The following LUZP2 variants were observed in gnomAD, a reference collection of about 807,000 sequenced individuals.
LUZP2 encodes the protein leucine zipper protein 2.
Under a neutral mutation model 51.6 loss-of-function variants are expected in LUZP2, and 52 were observed. The observed-to-expected ratio is 1.01, with a 90% confidence interval of 0.81 to 1.27. The LOEUF (loss-of-function observed/expected upper bound fraction) is 1.27. LUZP2 is among the 50% of genes most tolerant of loss of function. The pLI is 0.00. For missense variants in LUZP2, 436 were observed against 395.4 expected (o/e 1.10, Z -0.87); for synonymous variants, 154 against 137.3 (o/e 1.12, Z -0.85).
Position 24,857,272 on chromosome 11 carries a change from G to GAT in LUZP2, c.397-48703_397-48702dup, listed in dbSNP as rs59798750. 1.7e-3 allele frequency among the ~76,000 whole-genome samples: 231 copies of GAT among 136,082 alleles called. 1 individual carries two copies. The highest frequency in any genetic ancestry group is 4.3e-3 in the African/African-American group (157 of 36,436). The allele number at this position is 136,082 out of a possible 152,430, so 89.3% of individuals were successfully genotyped here. On this transcript the variant is annotated intron_variant, in intron 5 of 11. Transcript: ENST00000336930. ...CCCACAAGAATATAAGATTCATGGG[G>GAT]ATATATATATATATATACATATATA...
intron 1 of LUZP2, among the ~76,000 whole-genome samples, chr11:24,568,473 T>C: frequency 6.6e-6 from 1 of 151,950 alleles, no homozygotes; most frequent in South Asian, 2.1e-4. Flanking sequence ...AAAATTAATC[T>C]ATTAGGCAGA....
chr11:25,030,271 T>C (rs1857607110), intron 9 of LUZP2, among the ~76,000 whole-genome samples: 1 of 152,166 alleles, frequency 6.6e-6, no homozygotes, highest in South Asian at 2.1e-4. Flanking sequence ...TTACTGGTAG[T>C]TGTAGTTCAA....
intron 9 of LUZP2, among the ~76,000 whole-genome samples, chr11:24,991,394 G>GTATATATATATATATATA (rs1327713711): frequency 4.5e-4 from 49 of 109,348 alleles, no homozygotes; most frequent in Non-Finnish European, 2.6e-4. Context: ...GTGTGTGTGT[G>GTATATATATATATATATA]TGTATATATA....
At chr11:24,996,047 C>G (rs941610555) in intron 9 of LUZP2, among the ~76,000 whole-genome samples, 1 of 150,094 alleles carries the variant, frequency 6.7e-6, no homozygotes, top group African/African-American at 2.4e-5. Flanking sequence ...TTTATTTTCT[C>G]TTTGTTATTG....
chr11:24,896,993 G>T lies in LUZP2; in HGVS notation c.397-8998G>T, dbSNP rs377561085. On this transcript the variant is annotated intron_variant, in intron 5 of 11. Coordinates refer to ENST00000336930, the MANE Select transcript of LUZP2 (RefSeq NM_001009909.4). ...GTAAATGCACCAATCAATACTCTGT[G>T]TCTAGCTCAAGGTGTGTAAACGCAC... 5.9e-5 allele frequency among the ~76,000 whole-genome samples: 9 copies of T among 151,988 alleles called. No homozygotes were observed. In the East Asian group the frequency reaches 7.7e-4, roughly 13 times the overall value.
At position 25,080,308 on chromosome 11, in the gene LUZP2, A is replaced by G. The variant is rs1207943117; in HGVS notation, c.*1650A>G. 1.3e-5 allele frequency: 2 copies of G among 152,282 alleles called. No homozygotes were observed. The highest frequency in any genetic ancestry group is 6.5e-5 in the Admixed American group (1 of 15,294). 9.4% of individuals were successfully genotyped at this position (152,282 alleles called of 1,614,324 possible). A position where few individuals can be genotyped will look rare whatever the true frequency, so the allele number is the denominator to read the frequency against. On this transcript the variant is annotated 3_prime_UTR_variant, in exon 12 of 12. Coordinates refer to ENST00000336930, the MANE Select transcript of LUZP2 (RefSeq NM_001009909.4). ...TTTGCCCAACTGTAGGATGAGGTAT[A>G]TGTTCTGAGCACGTTTAAGCAGGTT...
At chr11:24,971,737 A>G (rs538217385) in intron 7 of LUZP2, among the ~76,000 whole-genome samples, 2 of 152,200 alleles carry the variant, frequency 1.3e-5, no homozygotes, top group East Asian at 1.9e-4. Context: ...ACAACATGGG[A>G]TGGTATCTGC....
In LUZP2 at chr11:24,623,857, GA is replaced by G. The variant is rs1854588554; in HGVS notation, c.63-105308del. Among the ~76,000 whole-genome samples, 3 of 152,150 alleles carry G rather than the reference GA, an allele frequency of 2.0e-5. No individual in the cohort carries two copies. The South Asian group carries it at 6.2e-4, about 32-fold the overall frequency. ...GTGAGACCCCATATCAAAAATTAAA[GA>G]AAATGTCGAAACACTATTTAATGTT... On this transcript the variant is annotated intron_variant, in intron 1 of 11. Coordinates refer to ENST00000336930, the MANE Select transcript of LUZP2 (RefSeq NM_001009909.4).
At chr11:24,678,492 G>T (rs1236472276) in intron 1 of LUZP2, among the ~76,000 whole-genome samples, 1 of 151,598 alleles carries the variant, frequency 6.6e-6, no homozygotes, top group Non-Finnish European at 1.5e-5. Flanking sequence ...TATTTAATTT[G>T]ACACTCTGAA....
At chr11:24,811,625 T>C (rs12277087) in intron 5 of LUZP2, among the ~76,000 whole-genome samples, 2,509 of 152,180 alleles carry the variant, frequency 0.016, 69 homozygotes, top group African/African-American at 0.057. Context: ...ATCTAATAGG[T>C]AGTTTTTTCA....
intron 1 of LUZP2, among the ~76,000 whole-genome samples, chr11:24,656,045 C>A (rs73434982): frequency 6.6e-6 from 1 of 152,102 alleles, no homozygotes; most frequent in Non-Finnish European, 1.5e-5. Context: ...AGTCGTTATT[C>A]ATTTCTCTGA....
chr11:24,514,202 C>T (rs1333133044), intron 1 of LUZP2, among the ~76,000 whole-genome samples: 3 of 152,054 alleles, frequency 2.0e-5, no homozygotes, highest in African/African-American at 7.3e-5. Flanking sequence ...CAGAGAGTAA[C>T]TAGTTGGTTG....
chr11:24,991,628 G>C (rs2121227), intron 9 of LUZP2, among the ~76,000 whole-genome samples: 61,042 of 151,350 alleles, frequency 0.4, 14,488 homozygotes, highest in East Asian at 0.78. Flanking sequence ...ACTTTTAGTT[G>C]TTTAAGGAAT....
At chr11:25,026,146 GT>G (rs1462689837) in intron 9 of LUZP2, among the ~76,000 whole-genome samples, 1 of 135,804 alleles carries the variant, frequency 7.4e-6, no homozygotes, top group Non-Finnish European at 1.6e-5. Context: ...CTGTCATGGG[GT>G]AGGGGGAGGG....
chr11:25,046,590 A>G lies in LUZP2; in HGVS notation c.766-3448A>G, dbSNP rs75641342. ...AAATATGTACTAGCTTCCAAGATGA[A>G]ACAATGAATAACACACACTATCTTC... On this transcript the variant is annotated intron_variant, in intron 9 of 11. Transcript: ENST00000336930. 4.2e-3 allele frequency among the ~76,000 whole-genome samples: 640 copies of G among 152,262 alleles called. 4 individuals carry two copies. Among genetic ancestry groups the G allele is most frequent in the African/African-American group, 0.014 (596 of 41,578 alleles).
At chr11:24,927,453 C>T (rs572333020) in intron 7 of LUZP2, among the ~76,000 whole-genome samples, 1 of 151,928 alleles carries the variant, frequency 6.6e-6, no homozygotes, top group African/African-American at 2.4e-5. Context: ...AGAGGAGTAT[C>T]CAGTTTCATT....
chr11:24,592,811 AG>A (rs1227075972), intron 1 of LUZP2, among the ~76,000 whole-genome samples: 1 of 152,206 alleles, frequency 6.6e-6, no homozygotes, highest in Non-Finnish European at 1.5e-5. Flanking sequence ...TTTATTTAAA[AG>A]TCAGAGCCAA....
chr11:24,965,165 A>C (rs1258272437), intron 7 of LUZP2, among the ~76,000 whole-genome samples: 1 of 150,980 alleles, frequency 6.6e-6, no homozygotes, highest in Admixed American at 6.6e-5. Flanking sequence ...CTAATAATAA[A>C]GAGTGGACAT....
At chr11:24,979,563 C>G (rs893623576) in intron 8 of LUZP2, among the ~76,000 whole-genome samples, 1 of 151,752 alleles carries the variant, frequency 6.6e-6, no homozygotes, top group Non-Finnish European at 1.5e-5. Context: ...CAACTTGATT[C>G]TTATGACATA....
Sources: gnomAD v4.1 joint callset for allele counts (sites outside exome capture counted in the v4.1 genomes callset) on GRCh38, gnomAD v4.1.1 for gene constraint, MANE v1.5 for transcripts, NCBI Gene and HGNC (gene_info 2026-07-23, HGNC 2026-07-21) for gene names.